The following SPG7 variants were observed in gnomAD, a reference collection of about 807,000 sequenced individuals.
SPG7 encodes the protein mitochondrial inner membrane m-AAA protease component paraplegin.
A neutral mutation model predicts 81.9 loss-of-function variants in SPG7; 103 were observed. The observed-to-expected ratio is 1.26, with a 90% CI of 1.07 to 1.48. SPG7 has a LOEUF of 1.48. SPG7 is among the 40% of genes most tolerant of loss of function. The pLI is 0.00. For synonymous variants in SPG7, 534 were observed against 444.2 expected, an observed-to-expected ratio of 1.20 and a Z score of -2.54; for missense variants, 1,241 against 1,087.3, an observed-to-expected ratio of 1.14 and a Z score of -1.99.
chr16:89,508,845 A>G (rs2057970780), intron 1 of SPG7: 3 of 673,096 alleles, frequency 4.5e-6, no homozygotes, highest in Admixed American at 4.1e-5. Flanking sequence ...GACTTTCCCA[A>G]CCCGTCTGTT....
chr16:89,523,167 C>T (rs540926472), intron 3 of SPG7: 1 of 160,588 alleles, frequency 6.2e-6, no homozygotes, highest in African/African-American at 2.4e-5. Context: ...AAGAATTCAC[C>T]TGGTGCTTCT....
chr16:89,530,627 G>A (rs772037583), intron 6 of SPG7, 56 bp from the exon 7 acceptor site: 2 of 1,612,534 alleles, frequency 1.2e-6, no homozygotes, highest in Non-Finnish European at 1.7e-6. Flanking sequence ...CGCTGGCATC[G>A]TGCTGCTGAT....
chr16:89,525,858 C>A (rs954973281), intron 4 of SPG7, among the ~76,000 whole-genome samples: 6 of 152,142 alleles, frequency 3.9e-5, no homozygotes, highest in Non-Finnish European at 8.8e-5. Context: ...CTGGGGGGCT[C>A]CTGCTGTGTC....
At chr16:89,552,948 A>G in intron 13 of SPG7, 31 bp from the exon 14 acceptor site, 2 of 1,612,294 alleles carry the variant, frequency 1.2e-6, no homozygotes, top group Non-Finnish European at 1.7e-6. Flanking sequence ...CATCCTGCCT[A>G]CTGACCTGGG....
At chr16:89,556,231 G>T in intron 16 of SPG7, 1 of 399,584 alleles carries the variant, frequency 2.5e-6, no homozygotes, top group Non-Finnish European at 4.4e-6. Flanking sequence ...TACAGCCACA[G>T]GTAAATCACC....
intron 9 of SPG7, among the ~76,000 whole-genome samples, chr16:89,534,199 G>C (rs56321554): frequency 0.021 from 3,216 of 152,114 alleles, 113 homozygotes; most frequent in African/African-American, 0.074. Flanking sequence ...CCTGTGTCCC[G>C]CTGTCTGTCT....
intron 16 of SPG7, chr16:89,556,008 G>A (rs1340799469): frequency 7.5e-5 from 30 of 398,622 alleles, no homozygotes; most frequent in Admixed American, 6.2e-4. Context: ...GTGGACCCAT[G>A]CTCATCACGG....
chr16:89,548,480 C>T, intron 12 of SPG7: 1 of 304,804 alleles, frequency 3.3e-6, no homozygotes, highest in Non-Finnish European at 6.3e-6. Flanking sequence ...TGAGCTCCAG[C>T]CGCTGACTGT....
At chr16:89,510,741 T>C in intron 2 of SPG7, 149 bp downstream of exon 2, 4 of 680,850 alleles carry the variant, frequency 5.9e-6, no homozygotes, top group South Asian at 1.6e-5. Context: ...CAGAGCTCAC[T>C]ACAGCCTAGA....
intron 9 of SPG7, chr16:89,541,308 G>A: frequency 1.0e-6 from 1 of 985,496 alleles, no homozygotes; most frequent in South Asian, 4.7e-5. Context: ...AGCAGTAGAA[G>A]GAAACTTTCT....
chr16:89,518,499 C>T (rs2058134476), intron 3 of SPG7: 1 of 151,868 alleles, frequency 6.6e-6, no homozygotes, highest in African/African-American at 2.4e-5. Flanking sequence ...GAAAAAAGAC[C>T]CTGCTCACTG....
intron 9 of SPG7, chr16:89,532,995 G>A (rs1051244782): frequency 4.2e-5 from 13 of 307,522 alleles, no homozygotes; most frequent in Admixed American, 1.7e-4. Context: ...GCTTGAACTC[G>A]GGAGGTGGAG....
At position 89,510,471 on chromosome 16, in the gene SPG7, G is replaced by GTTTTT; in HGVS notation, c.184-8_184-4dup. ...TAATGTTGGTGTGACCTCCAGTATT[G>GTTTTT]TTTTTTTTTTTTTTTCAGAGCTTAC... On this transcript the variant is annotated intron_variant, in intron 1 of 16. Transcript: ENST00000645818. 2 of 1,181,032 alleles carry GTTTTT rather than the reference G, an allele frequency of 1.7e-6. No individual in the cohort carries two copies. Among genetic ancestry groups the GTTTTT allele is most frequent in the South Asian group, 1.2e-5 (1 of 80,206 alleles). The allele number at this position is 1,181,032 out of a possible 1,614,324, so 73.2% of individuals were successfully genotyped here.
intron 6 of SPG7, 149 bp downstream of exon 6, chr16:89,529,728 C>G: frequency 1.4e-6 from 1 of 712,600 alleles, no homozygotes; most frequent in Non-Finnish European, 2.5e-6. Context: ...ACCTTCCTTT[C>G]CCATGGTCCG....
chr16:89,517,258 T>C (rs1181566980), intron 3 of SPG7: 1 of 139,798 alleles, frequency 7.2e-6, no homozygotes, highest in African/African-American at 2.6e-5. Context: ...AGGAATGGCA[T>C]GGCAGCCTCC....
chr16:89,510,441 C>G (rs890892626), intron 1 of SPG7, 49 bp from the exon 2 acceptor site: 1 of 1,167,436 alleles, frequency 8.6e-7, no homozygotes, highest in Non-Finnish European at 1.3e-6. Flanking sequence ...TGCTTTGGTA[C>G]TCTCTAATGT....
chr16:89,546,210 C>T, intron 10 of SPG7: 1 of 309,222 alleles, frequency 3.2e-6, no homozygotes, highest in South Asian at 2.7e-5. Flanking sequence ...CCTCAGCCTC[C>T]CGAGTAGCTG....
intron 9 of SPG7, chr16:89,537,892 G>A: frequency 1.9e-6 from 1 of 532,614 alleles, no homozygotes; most frequent in Non-Finnish European, 2.4e-6. Context: ...TGCCCTGGGA[G>A]CCGTGGACTG....
At chr16:89,511,893 T>A (rs1243794255) in intron 2 of SPG7, among the ~76,000 whole-genome samples, 3 of 126,056 alleles carry the variant, frequency 2.4e-5, no homozygotes, top group Non-Finnish European at 5.2e-5. Flanking sequence ...TACATTTTTG[T>A]GTTGTTGTTG....
Sources: allele counts gnomAD v4.1 joint callset (sites outside exome capture counted in the v4.1 genomes callset), GRCh38; gene constraint gnomAD v4.1.1; transcripts MANE v1.5; gene names NCBI Gene and HGNC (gene_info 2026-07-23, HGNC 2026-07-21).